The following GPHN variants were observed in gnomAD, a reference collection of about 807,000 sequenced individuals.
GPHN encodes the protein gephyrin.
GPHN carries 17 observed loss-of-function variants against 95.5 expected under a neutral mutation model. The ratio of observed to expected loss-of-function variants is 0.18; its 90% CI spans 0.12 to 0.27. GPHN has a LOEUF of 0.27. Among genes scored for constraint, GPHN ranks in the 10% least tolerant of loss-of-function variants. GPHN has a pLI of 1.00. For missense variants in GPHN, 660 were observed against 978.1 expected (o/e 0.67, Z 4.34); for synonymous variants, 320 against 322.5 (o/e 0.99, Z 0.08).
intron 2 of GPHN, among the ~76,000 whole-genome samples, chr14:66,744,600 A>G (rs2058067499): frequency 6.6e-6 from 1 of 152,240 alleles, no homozygotes; most frequent in Non-Finnish European, 1.5e-5. Flanking sequence ...TTATACAAGT[A>G]GTCTGATCTG....
chr14:66,960,056 G>A (rs540610065), intron 8 of GPHN, among the ~76,000 whole-genome samples: 9 of 151,618 alleles, frequency 5.9e-5, no homozygotes, highest in East Asian at 3.9e-4. Context: ...TGTAATTTTC[G>A]GTGTTAGAAT....
chr14:67,123,015 A>G (rs745681737), intron 17 of GPHN, among the ~76,000 whole-genome samples: 4 of 152,196 alleles, frequency 2.6e-5, no homozygotes, highest in Non-Finnish European at 5.9e-5. Context: ...TACACTTTCT[A>G]AACATCCTAG....
the GPHN span, chr14:67,579,684 A>G: frequency 6.2e-7 from 1 of 1,600,852 alleles, no homozygotes; most frequent in Non-Finnish European, 8.5e-7. Flanking sequence ...TCCTCTCAGG[A>G]GGTTCACTCA....
chr14:66,681,303 T>A (rs1202545350), intron 2 of GPHN, 118 bp downstream of exon 2: 1 of 693,936 alleles, frequency 1.4e-6, no homozygotes, highest in East Asian at 2.7e-5. Flanking sequence ...TCTTTTCTAA[T>A]AATGCGTTTT....
the GPHN span, among the ~76,000 whole-genome samples, chr14:67,320,603 T>A: frequency 0.034 from 5,254 of 152,328 alleles, 112 homozygotes; most frequent in East Asian, 0.06. Context: ...TATGTACTGA[T>A]TATTTTCTAA....
chr14:67,473,861 G>A, the GPHN span: 4 of 1,612,486 alleles, frequency 2.5e-6, no homozygotes, highest in African/African-American at 1.3e-5. The surrounding 1 kb of genome is among the most constrained non-coding windows in gnomAD (Gnocchi z 6.5). Flanking sequence ...CCTCGCAGAA[G>A]TAGCCGTGGA....
the GPHN span, among the ~76,000 whole-genome samples, chr14:67,643,571 C>T: frequency 4.8e-3 from 725 of 152,292 alleles, 6 homozygotes; most frequent in Middle Eastern, 0.017. Context: ...TGCCTGCAGG[C>T]CCAGCTACTC....
the GPHN span, among the ~76,000 whole-genome samples, chr14:67,419,863 G>C: frequency 6.6e-6 from 1 of 151,798 alleles, no homozygotes; most frequent in East Asian, 1.9e-4. Context: ...AAAAAAAAAG[G>C]CTGCATCCAT....
At chr14:66,871,360 G>A (rs142133643) in intron 4 of GPHN, among the ~76,000 whole-genome samples, 26 of 152,196 alleles carry the variant, frequency 1.7e-4, no homozygotes, top group African/African-American at 4.8e-4. Context: ...GTGAAGCCCC[G>A]AATTCATGAA....
chr14:66,580,229 G>A (rs1243467696), intron 1 of GPHN, among the ~76,000 whole-genome samples: 3 of 151,792 alleles, frequency 2.0e-5, no homozygotes, highest in African/African-American at 7.2e-5. Context: ...TCATAAGAGA[G>A]AAGTTTATAG....
rs571396438 is a variant in GPHN, at chr14:66,625,018, G to C, written c.65-56089G>C. ...CCTGTTTTTACAATTAGTCTGAATG[G>C]AATCAAGCTGCTGGTCAAGCCTGCA... On this transcript the variant is annotated intron_variant, in intron 1 of 22. Transcript: ENST00000478722. Among the ~76,000 whole-genome samples the C allele has an allele frequency of 1.6e-4, 25 of 152,278 alleles. 1 individual carries two copies. In the South Asian group the frequency reaches 5.2e-3, roughly 32 times the overall value.
chr14:66,748,891 A>T (rs2058261893), intron 2 of GPHN, among the ~76,000 whole-genome samples: 1 of 151,982 alleles, frequency 6.6e-6, no homozygotes, highest in South Asian at 2.1e-4. Context: ...GTTGGTGCTT[A>T]AAGTTTTTCA....
chr14:67,695,740 C>T, the GPHN span: 4 of 1,600,428 alleles, frequency 2.5e-6, no homozygotes, highest in African/African-American at 2.7e-5. Context: ...CGGGATGCTC[C>T]AGCGTTGCTC....
intron 21 of GPHN, among the ~76,000 whole-genome samples, chr14:67,170,436 G>A: frequency 6.6e-6 from 1 of 152,154 alleles, no homozygotes; most frequent in African/African-American, 2.4e-5. Context: ...ACTAAATTAA[G>A]GAAATAAAAA....
chr14:67,300,516 C>G, the GPHN span, among the ~76,000 whole-genome samples: 2 of 152,010 alleles, frequency 1.3e-5, no homozygotes, highest in Non-Finnish European at 2.9e-5. Context: ...TTAGTAGAGA[C>G]AGTATTTTGC....
chr14:66,916,261 T>C (rs1447392821), intron 6 of GPHN, among the ~76,000 whole-genome samples, 192 bp downstream of exon 6: 1 of 152,070 alleles, frequency 6.6e-6, no homozygotes. Context: ...CTGTTACACT[T>C]ACAGTTATGG....
chr14:67,009,887 T>C (rs192537957), intron 9 of GPHN, among the ~76,000 whole-genome samples: 1 of 151,842 alleles, frequency 6.6e-6, no homozygotes, highest in African/African-American at 2.4e-5. Context: ...GCCTCCCGAG[T>C]AGCTGAGATT....
chr14:67,043,366 C>A (rs2074820988), intron 10 of GPHN, among the ~76,000 whole-genome samples: 1 of 152,020 alleles, frequency 6.6e-6, no homozygotes, highest in South Asian at 2.1e-4. Flanking sequence ...TGGCTGTGGG[C>A]TTGTCATAAA....
chr14:67,241,885 CGCGCGGGACTCTCCCGGCCG>C, the GPHN span: 4 of 151,980 alleles, frequency 2.6e-5, no homozygotes, highest in African/African-American at 9.7e-5. Context: ...GAGGTCGCGA[CGCGCGGGACTCTCCCGGCCG>C]GGTCTGGGAA....
Sources: allele counts gnomAD v4.1 joint callset (sites outside exome capture counted in the v4.1 genomes callset), GRCh38; gene constraint gnomAD v4.1.1; non-coding constraint Gnocchi (gnomAD v3.1); transcripts MANE v1.5; gene names NCBI Gene and HGNC (gene_info 2026-07-23, HGNC 2026-07-21).